The following SHTN1 variants were observed in gnomAD, a reference collection of about 807,000 sequenced individuals.
The protein encoded by SHTN1 is shootin-1.
Under a neutral mutation model 83.1 loss-of-function variants are expected in SHTN1, and 42 were observed. The ratio of observed to expected loss-of-function variants is 0.51; its 90% CI spans 0.39 to 0.65. The LOEUF (loss-of-function observed/expected upper bound fraction) is 0.65, where lower values mean the gene tolerates loss of function less well. SHTN1 is among the 30% of genes least tolerant of loss of function. The pLI is 0.00. For missense variants in SHTN1, 622 were observed against 737.8 expected (o/e 0.84, Z 1.82); for synonymous variants, 224 against 247.7 (o/e 0.90, Z 0.90).
intron 6 of SHTN1, among the ~76,000 whole-genome samples, chr10:116,950,017 A>G (rs993585305): frequency 7.9e-5 from 12 of 152,234 alleles, no homozygotes; most frequent in African/African-American, 2.9e-4. Flanking sequence ...ATGCACTGAC[A>G]TGATAAACAC....
chr10:117,058,431 A>G (rs191710351), intron 1 of SHTN1, among the ~76,000 whole-genome samples: 12 of 152,340 alleles, frequency 7.9e-5, no homozygotes, highest in Admixed American at 2.0e-4. Flanking sequence ...AAGATAGGCA[A>G]TATCACTAAT....
chr10:117,040,022 T>C (rs1852561150), intron 2 of SHTN1, among the ~76,000 whole-genome samples: 1 of 152,088 alleles, frequency 6.6e-6, no homozygotes, highest in African/African-American at 2.4e-5. Context: ...TTGTAAAACA[T>C]TACTGGGACA....
intron 1 of SHTN1, among the ~76,000 whole-genome samples, chr10:117,121,237 T>A (rs933927081): frequency 3.3e-5 from 5 of 152,252 alleles, no homozygotes; most frequent in Non-Finnish European, 5.9e-5. Flanking sequence ...TAATCTCCTA[T>A]AATCTATATT....
At chr10:117,003,597 A>C (rs2133544489) in intron 1 of SHTN1, among the ~76,000 whole-genome samples, 1 of 152,112 alleles carries the variant, frequency 6.6e-6, no homozygotes, top group Middle Eastern at 3.4e-3. Context: ...AACAACAGGT[A>C]AGAGTACTGG....
At chr10:116,890,535 A>AC (rs1247146585) in intron 16 of SHTN1, among the ~76,000 whole-genome samples, 2 of 152,242 alleles carry the variant, frequency 1.3e-5, no homozygotes, top group Non-Finnish European at 2.9e-5. Flanking sequence ...ATCCATTCAT[A>AC]TAGATATTTT....
intron 4 of SHTN1, among the ~76,000 whole-genome samples, chr10:116,959,916 C>T (rs142907384): frequency 1.3e-5 from 2 of 152,208 alleles, no homozygotes; most frequent in Non-Finnish European, 2.9e-5. Context: ...GAAATACTCA[C>T]ATACAAATGC....
intron 9 of SHTN1, among the ~76,000 whole-genome samples, chr10:116,940,198 A>T (rs997541394): frequency 6.6e-6 from 1 of 152,200 alleles, no homozygotes; most frequent in Non-Finnish European, 1.5e-5. Flanking sequence ...TTTTTAAGTT[A>T]TACCTCTTTC....
intron 1 of SHTN1, among the ~76,000 whole-genome samples, chr10:117,105,635 A>G (rs1853659275): frequency 6.6e-6 from 1 of 152,156 alleles, no homozygotes; most frequent in Admixed American, 6.5e-5. Context: ...ATGACAGTAT[A>G]TTTTCTAAAC....
At chr10:116,960,408 T>C in intron 3 of SHTN1, 178 bp from the exon 4 acceptor site, 1 of 490,456 alleles carries the variant, frequency 2.0e-6, no homozygotes, top group Non-Finnish European at 3.6e-6. Context: ...AATATTTGAA[T>C]GTAGAAAGAA....
intron 13 of SHTN1, among the ~76,000 whole-genome samples, chr10:116,913,898 A>AC (rs1180925142): frequency 1.3e-5 from 2 of 152,200 alleles, no homozygotes; most frequent in Non-Finnish European, 2.9e-5. Context: ...CTCTTGCCAG[A>AC]CACCAGCACT....
intron 2 of SHTN1, among the ~76,000 whole-genome samples, chr10:116,972,551 G>A (rs909241203): frequency 3.3e-5 from 5 of 152,190 alleles, no homozygotes; most frequent in Admixed American, 1.3e-4. Context: ...AAGTCAGCCA[G>A]GATAACGGGC....
chr10:117,027,110 T>C (rs1852343136), intron 2 of SHTN1, among the ~76,000 whole-genome samples: 2 of 152,232 alleles, frequency 1.3e-5, no homozygotes, highest in South Asian at 4.1e-4. Context: ...AGAATTCTTC[T>C]GGACCTTGTC....
intron 1 of SHTN1, among the ~76,000 whole-genome samples, chr10:117,114,895 G>A (rs952929279): frequency 1.3e-5 from 2 of 152,176 alleles, no homozygotes; most frequent in African/African-American, 4.8e-5. Flanking sequence ...GGGCATCAAA[G>A]AGATGTACAG....
At chr10:116,993,017 C>CTTTTTTTTTTTTTTTTTTTTTT (rs35364697) in intron 1 of SHTN1, among the ~76,000 whole-genome samples, 1 of 121,226 alleles carries the variant, frequency 8.2e-6, no homozygotes. Context: ...TCTTTTTTTT[C>CTTTTTTTTTTTTTTTTTTTTTT]TTTTTTTTTT....
chr10:116,987,009 G>GA (rs1564915743), intron 1 of SHTN1, among the ~76,000 whole-genome samples: 1 of 152,016 alleles, frequency 6.6e-6, no homozygotes, highest in African/African-American at 2.4e-5. Context: ...TTACAGGTGT[G>GA]AACCACCGTG....
intron 1 of SHTN1, among the ~76,000 whole-genome samples, chr10:117,091,751 T>C (rs1354045301): frequency 6.6e-6 from 1 of 152,222 alleles, no homozygotes; most frequent in Non-Finnish European, 1.5e-5. Context: ...TGCCCTACTT[T>C]ACATGAATGA....
intron 1 of SHTN1, among the ~76,000 whole-genome samples, chr10:117,058,702 A>G (rs1852859344): frequency 6.6e-6 from 1 of 152,198 alleles, no homozygotes; most frequent in South Asian, 2.1e-4. Flanking sequence ...GGATATTTGT[A>G]CACCTATGTT....
intron 2 of SHTN1, among the ~76,000 whole-genome samples, chr10:116,970,317 A>G (rs539926749): frequency 6.6e-6 from 1 of 152,366 alleles, no homozygotes; most frequent in South Asian, 2.1e-4. Context: ...AACATATACA[A>G]AAATGTTCCA....
intron 2 of SHTN1, among the ~76,000 whole-genome samples, chr10:116,973,575 A>G (rs1220630798): frequency 6.6e-6 from 1 of 152,206 alleles, no homozygotes; most frequent in East Asian, 1.9e-4. Context: ...CACAATAGAC[A>G]ATGTGTTCTC....
Sources: allele counts gnomAD v4.1 joint callset (sites outside exome capture counted in the v4.1 genomes callset), GRCh38; gene constraint gnomAD v4.1.1; transcripts MANE v1.5; gene names NCBI Gene and HGNC (gene_info 2026-07-23, HGNC 2026-07-21).